LRRFIP2: variants seen among roughly 807,000 people sequenced by gnomAD.
LRRFIP2 encodes the protein leucine-rich repeat flightless-interacting protein 2.
In LRRFIP2, 109 loss-of-function variants were observed where a neutral mutation model predicts 125.9. The observed-to-expected ratio is 0.87, with a 90% CI of 0.74 to 1.01. The LOEUF (loss-of-function observed/expected upper bound fraction) is 1.01, where lower values mean the gene tolerates loss of function less well. Among genes scored for constraint, LRRFIP2 ranks in the 50% least tolerant of loss-of-function variants. LRRFIP2 has a pLI of 0.00. For missense variants in LRRFIP2, 850 were observed against 862.3 expected (o/e 0.99, Z 0.18); for synonymous variants, 291 against 293.1 (o/e 0.99, Z 0.07).
intron 23 of LRRFIP2, chr3:37,065,600 C>T (rs1412684540): frequency 8.6e-6 from 6 of 695,270 alleles, no homozygotes; most frequent in African/African-American, 5.3e-5. Flanking sequence ...CTTACAGTTA[C>T]ACTTATTGCC....
At chr3:37,091,953 T>G (rs2093465878) in intron 17 of LRRFIP2, among the ~76,000 whole-genome samples, 1 of 152,032 alleles carries the variant, frequency 6.6e-6, no homozygotes, top group Admixed American at 6.6e-5. Flanking sequence ...TAATAAGAGG[T>G]GGCAAATTTT....
intron 1 of LRRFIP2, among the ~76,000 whole-genome samples, chr3:37,149,407 C>T (rs1328896478): frequency 1.3e-5 from 2 of 152,044 alleles, no homozygotes; most frequent in East Asian, 3.9e-4. Flanking sequence ...ATCCCAGCTA[C>T]TCTAGAGGCT....
At chr3:37,140,153 T>G (rs2095656174) in intron 2 of LRRFIP2, among the ~76,000 whole-genome samples, 1 of 152,172 alleles carries the variant, frequency 6.6e-6, no homozygotes, top group African/African-American at 2.4e-5. Flanking sequence ...CATAAGCACA[T>G]TTTTCCCTGC....
intron 1 of LRRFIP2, among the ~76,000 whole-genome samples, chr3:37,168,746 A>T (rs1358920372): frequency 1.3e-5 from 2 of 152,222 alleles, no homozygotes; most frequent in African/African-American, 4.8e-5. Flanking sequence ...TGGTCCCATA[A>T]GATTATAATG....
In LRRFIP2 at chr3:37,103,046, A is replaced by T. The variant is rs967998988; in HGVS notation, c.784-33T>A. 5 of 1,472,000 alleles carry T rather than the reference A, an allele frequency of 3.4e-6. No individual in the cohort carries two copies. In the African/African-American group the frequency reaches 7.2e-5, roughly 21 times the overall value. 91.2% of individuals were successfully genotyped at this position (1,472,000 alleles called of 1,614,324 possible). Reference sequence around the variant, plus strand: ...TCAGAAAAAAAACAAGATGCTTTCAAGGTTAAGAAAAAAGAAAGAAAAAAA... The same window carrying T: ...TCAGAAAAAAAACAAGATGCTTTCATGGTTAAGAAAAAAGAAAGAAAAAAA... On this transcript the variant is annotated intron_variant, in intron 14 of 27. Transcript: ENST00000336686.
At chr3:37,073,004 G>A in intron 20 of LRRFIP2, 122 bp from the exon 21 acceptor site, 1 of 612,366 alleles carries the variant, frequency 1.6e-6, no homozygotes, top group Non-Finnish European at 2.8e-6. Context: ...AGTCTGTGAT[G>A]AACAGGAAAA....
Position 37,148,999 on chromosome 3 carries a change from G to C in LRRFIP2, c.-16C>G, listed in dbSNP as rs772860553. The stretch of plus-strand genomic sequence containing the variant: ...GAGTCCCCATCTTGTGTTCTTAATA[G>C]TCTTTTAACTTTGAAAGTGATTTAA... On this transcript the variant is annotated 5_prime_UTR_variant, in exon 2 of 28. Transcript: ENST00000336686. 1.9e-6 allele frequency: 3 copies of C among 1,613,092 alleles called. No individual in the cohort carries two copies. Among genetic ancestry groups the C allele is most frequent in the Non-Finnish European group, 2.5e-6 (3 of 1,179,668 alleles).
At chr3:37,134,653 A>G in intron 2 of LRRFIP2, 1 of 641,354 alleles carries the variant, frequency 1.6e-6, no homozygotes, top group Middle Eastern at 4.8e-4. Context: ...TGACAAGCAC[A>G]TACTATGGCA....
intron 16 of LRRFIP2, among the ~76,000 whole-genome samples, chr3:37,096,035 T>G (rs191261498): frequency 6.6e-6 from 1 of 152,330 alleles, no homozygotes; most frequent in East Asian, 1.9e-4. Flanking sequence ...ACCTGCTTTT[T>G]ACTTTTTAAA....
rs74549928 is a variant in LRRFIP2, at chr3:37,167,931, G to A, written c.-56+6608C>T. On this transcript the variant is annotated intron_variant, in intron 1 of 27. Coordinates refer to ENST00000336686, the MANE Select transcript of LRRFIP2 (RefSeq NM_006309.4). The stretch of plus-strand genomic sequence containing the variant: ...GTCAAGGCTACAGTGAGCTGTGGTC[G>A]GGCCATTGCATTCCAGTCTTGGTGA... 7.6e-3 allele frequency among the ~76,000 whole-genome samples: 1,157 copies of A among 152,230 alleles called. 18 individuals carry two copies. The highest frequency in any genetic ancestry group is 0.026 in the African/African-American group (1,097 of 41,516).
chr3:37,131,613 T>C (rs2095430358), intron 2 of LRRFIP2, among the ~76,000 whole-genome samples: 2 of 152,256 alleles, frequency 1.3e-5, no homozygotes, highest in South Asian at 2.1e-4. Context: ...TCCCCTCTGA[T>C]AACTATAGTT....
chr3:37,160,979 T>C (rs2096322836), intron 1 of LRRFIP2, among the ~76,000 whole-genome samples: 1 of 151,974 alleles, frequency 6.6e-6, no homozygotes, highest in Admixed American at 6.6e-5. Flanking sequence ...ACAATTCCAA[T>C]GTCCATCAGC....
In LRRFIP2 at chr3:37,065,792, T is replaced by G; in HGVS notation, c.1699+18A>C. ...AGGGTAACATTAATCCAAGTCAACA[T>G]AGCAACCAGTATCTTACCTAATGGC... is the stretch of plus-strand genomic sequence containing the variant. On this transcript the variant is annotated intron_variant, in intron 23 of 27. Coordinates refer to ENST00000336686, the MANE Select transcript of LRRFIP2 (RefSeq NM_006309.4). 1 of 1,614,088 alleles carries G rather than the reference T, an allele frequency of 6.2e-7. No homozygotes were observed. Among genetic ancestry groups the G allele is most frequent in the Non-Finnish European group, 8.5e-7 (1 of 1,179,960 alleles).
chr3:37,154,111 G>C (rs1350466318), intron 1 of LRRFIP2, among the ~76,000 whole-genome samples: 1 of 152,124 alleles, frequency 6.6e-6, no homozygotes, highest in East Asian at 1.9e-4. Context: ...GGGAGGTCAA[G>C]GTTACGGTGA....
At chr3:37,081,470 T>G (rs2092631687) in intron 19 of LRRFIP2, among the ~76,000 whole-genome samples, 1 of 152,118 alleles carries the variant, frequency 6.6e-6, no homozygotes, top group Non-Finnish European at 1.5e-5. Flanking sequence ...CAATAGTTGT[T>G]TAGAACAAGA....
At chr3:37,123,024 G>C (rs956734404) in intron 4 of LRRFIP2, among the ~76,000 whole-genome samples, 7 of 152,184 alleles carry the variant, frequency 4.6e-5, no homozygotes, top group African/African-American at 1.7e-4. Flanking sequence ...TTTGCAAAAT[G>C]AATCAATGCC....
chr3:37,072,501 C>CAAA (rs907848276), intron 21 of LRRFIP2, among the ~76,000 whole-genome samples: 74 of 34,374 alleles, frequency 2.2e-3, no homozygotes, highest in African/African-American at 4.2e-3. Flanking sequence ...GACTCCGTCT[C>CAAA]AAAAAAAAAA....
chr3:37,101,515 A>G (rs2094044411), intron 15 of LRRFIP2, among the ~76,000 whole-genome samples: 1 of 151,864 alleles, frequency 6.6e-6, no homozygotes, highest in Admixed American at 6.6e-5. Flanking sequence ...AAATACAAAA[A>G]TTAGCTGGGC....
intron 2 of LRRFIP2, among the ~76,000 whole-genome samples, chr3:37,145,029 T>A (rs1018486084): frequency 6.6e-6 from 1 of 152,176 alleles, no homozygotes; most frequent in Non-Finnish European, 1.5e-5. Context: ...AGACATAATA[T>A]TTACTGTGTT....
Sources: allele counts gnomAD v4.1 joint callset (sites outside exome capture counted in the v4.1 genomes callset), GRCh38; gene constraint gnomAD v4.1.1; transcripts MANE v1.5; gene names NCBI Gene and HGNC (gene_info 2026-07-23, HGNC 2026-07-21).